The following TGFBR3 variants were observed in gnomAD, a reference collection of about 807,000 sequenced individuals.
TGFBR3 encodes the protein transforming growth factor beta receptor type 3.
TGFBR3 carries 46 observed loss-of-function variants against 87.9 expected under a neutral mutation model. The observed-to-expected ratio is 0.52, with a 90% confidence interval of 0.41 to 0.67. The LOEUF (loss-of-function observed/expected upper bound fraction) is 0.67, where lower values mean the gene tolerates loss of function less well. TGFBR3 is among the 30% of genes least tolerant of loss of function. TGFBR3 has a pLI of 0.00. For synonymous variants in TGFBR3, 381 were observed against 391.6 expected (o/e 0.97, Z 0.32); for missense variants, 866 against 1,041.9 (o/e 0.83, Z 2.32).
chr1:91,769,199 G>C (rs1287016693), intron 3 of TGFBR3, among the ~76,000 whole-genome samples: 1 of 152,148 alleles, frequency 6.6e-6, no homozygotes, highest in Non-Finnish European at 1.5e-5. Context: ...AACAGTGACT[G>C]GCATCTGGTA....
In TGFBR3 at chr1:91,690,785, A is replaced by G. The variant is rs184355954; in HGVS notation, c.2437+4887T>C. On this transcript the variant is annotated intron_variant, in intron 16 of 16. Coordinates refer to ENST00000212355, the MANE Select transcript of TGFBR3 (RefSeq NM_003243.5). ...AAAAACATATTTTATGGAAGCCTGA[A>G]GAGCTAAAGAGGAAAGATCCAATGA... Among the ~76,000 whole-genome samples the G allele has an allele frequency of 7.4e-3, 1,124 of 152,320 alleles. 13 individuals carry two copies. The highest frequency in any genetic ancestry group is 0.025 in the African/African-American group (1,058 of 41,576).
chr1:91,849,223 A>T (rs1236882334), intron 2 of TGFBR3, among the ~76,000 whole-genome samples: 2 of 152,096 alleles, frequency 1.3e-5, no homozygotes, highest in African/African-American at 4.8e-5. Context: ...CATCCTTCAG[A>T]TCATATCATT....
chr1:91,888,984 C>T (rs1285251102), upstream of TGFBR3, among the ~76,000 whole-genome samples: 1 of 152,044 alleles, frequency 6.6e-6, no homozygotes, highest in Non-Finnish European at 1.5e-5. Flanking sequence ...TGGGCTCAAG[C>T]AATTCTCCTG....
At chr1:91,734,716 A>C in intron 5 of TGFBR3, 60 bp downstream of exon 5, 1 of 1,595,012 alleles carries the variant, frequency 6.3e-7, no homozygotes, top group East Asian at 2.2e-5. Context: ...ACCTGGTTTC[A>C]GAAAAGAAAA....
intron 10 of TGFBR3, among the ~76,000 whole-genome samples, chr1:91,717,127 T>C (rs1672202501): frequency 6.6e-6 from 1 of 152,192 alleles, no homozygotes; most frequent in African/African-American, 2.4e-5. Flanking sequence ...TACTAGCAGT[T>C]GGCGAATACA....
intron 1 of TGFBR3, among the ~76,000 whole-genome samples, chr1:91,884,856 G>T (rs1401202944): frequency 6.6e-6 from 1 of 152,236 alleles, no homozygotes; most frequent in Non-Finnish European, 1.5e-5. Context: ...TACTACCTGT[G>T]GAGACTTCTC....
chr1:91,853,686 A>T (rs746709816), intron 2 of TGFBR3, among the ~76,000 whole-genome samples: 3 of 152,142 alleles, frequency 2.0e-5, no homozygotes, highest in Non-Finnish European at 4.4e-5. Flanking sequence ...GACAAATATC[A>T]TATATGATCA....
chr1:91,899,590 T>C (rs1679645275), intron 2 of TGFBR3: 1 of 152,058 alleles, frequency 6.6e-6, no homozygotes, highest in African/African-American at 2.4e-5. Flanking sequence ...AATAAAATGC[T>C]TTTTATGCTG....
chr1:91,838,331 TATTA>T (rs1194872893), intron 2 of TGFBR3, among the ~76,000 whole-genome samples: 6 of 152,220 alleles, frequency 3.9e-5, no homozygotes, highest in African/African-American at 1.4e-4. Flanking sequence ...TTTAAATATT[TATTA>T]ATTCACTAAA....
At chr1:91,752,478 A>G (rs1274622313) in intron 4 of TGFBR3, among the ~76,000 whole-genome samples, 1 of 152,194 alleles carries the variant, frequency 6.6e-6, no homozygotes, top group Non-Finnish European at 1.5e-5. Context: ...AGAGTGAATG[A>G]GGTTGGAAGA....
At chr1:91,818,700 A>G (rs1571541733) in intron 2 of TGFBR3, among the ~76,000 whole-genome samples, 1 of 152,328 alleles carries the variant, frequency 6.6e-6, no homozygotes, top group Middle Eastern at 3.4e-3. Flanking sequence ...TGGAGGTGGG[A>G]GATTTAATGT....
intron 2 of TGFBR3, among the ~76,000 whole-genome samples, chr1:91,833,181 A>G (rs1571555228): frequency 6.6e-6 from 1 of 151,308 alleles, no homozygotes; most frequent in African/African-American, 2.4e-5. Flanking sequence ...CTGTAATCCC[A>G]GCTACTTGGA....
chr1:91,759,247 G>A (rs575934899), intron 3 of TGFBR3, among the ~76,000 whole-genome samples: 53 of 152,178 alleles, frequency 3.5e-4, no homozygotes, highest in Middle Eastern at 3.4e-3. Context: ...GAAAAGTGCC[G>A]AAAGCTGAGA....
chr1:91,901,929 C>A (rs1167851512), intron 1 of TGFBR3, among the ~76,000 whole-genome samples: 4 of 137,992 alleles, frequency 2.9e-5, no homozygotes, highest in South Asian at 2.3e-4. Context: ...GACCCTCCCC[C>A]ACCCCACCAA....
intron 2 of TGFBR3, among the ~76,000 whole-genome samples, chr1:91,836,046 G>A (rs146505499): frequency 2.0e-5 from 3 of 151,650 alleles, no homozygotes; most frequent in Admixed American, 1.3e-4. Context: ...TCGGGAGTTC[G>A]AGACCAGCCT....
chr1:91,831,603 T>G (rs1033837018), intron 2 of TGFBR3, among the ~76,000 whole-genome samples: 1 of 152,220 alleles, frequency 6.6e-6, no homozygotes, highest in Non-Finnish European at 1.5e-5. Flanking sequence ...CCCAAATGTT[T>G]TATACACAGG....
intron 2 of TGFBR3, among the ~76,000 whole-genome samples, chr1:91,819,369 G>GAAA (rs34256694): frequency 2.0e-5 from 3 of 146,800 alleles, no homozygotes; most frequent in Admixed American, 6.8e-5. Context: ...CTCCGTCTGG[G>GAAA]AAAAAAAAAA....
At chr1:91,817,284 G>A (rs1040497061) in intron 2 of TGFBR3, among the ~76,000 whole-genome samples, 3 of 151,956 alleles carry the variant, frequency 2.0e-5, no homozygotes, top group African/African-American at 4.8e-5. Context: ...TGTTTTCCAC[G>A]GTCCATATTT....
intron 1 of TGFBR3, among the ~76,000 whole-genome samples, chr1:91,867,357 C>T (rs1678425180): frequency 6.6e-6 from 1 of 152,128 alleles, no homozygotes; most frequent in Admixed American, 6.5e-5. Flanking sequence ...TGTTCTGTGC[C>T]GGCTGCCTTC....
Sources: gnomAD v4.1 joint callset for allele counts (sites outside exome capture counted in the v4.1 genomes callset) on GRCh38, gnomAD v4.1.1 for gene constraint, MANE v1.5 for transcripts, NCBI Gene and HGNC (gene_info 2026-07-23, HGNC 2026-07-21) for gene names.